Variants in PRDM16 observed in about 807,000 individuals in gnomAD.
The protein encoded by PRDM16 is PR/SET domain 16, also known as histone-lysine N-methyltransferase PRDM16.
PRDM16 carries 23 observed loss-of-function variants against 110.6 expected under a neutral mutation model. The observed-to-expected ratio is 0.21, with a 90% CI of 0.15 to 0.29. PRDM16 has a LOEUF of 0.29. Ranked by LOEUF, PRDM16 falls within the 10% of genes least tolerant of loss-of-function variation. The pLI is 1.00. For missense variants in PRDM16, 1,615 were observed against 1,794.3 expected (o/e 0.90, Z 1.81); for synonymous variants, 799 against 781.8 (o/e 1.02, Z -0.37).
intron 12 of PRDM16, among the ~76,000 whole-genome samples, chr1:3,419,483 C>T (rs538821136): frequency 1.3e-5 from 2 of 152,144 alleles, no homozygotes; most frequent in Admixed American, 6.5e-5. Flanking sequence ...CATGAATCAC[C>T]GGGGTCAGTG....
intron 3 of PRDM16, among the ~76,000 whole-genome samples, chr1:3,330,767 C>T (rs186442657): frequency 1.2e-4 from 18 of 152,306 alleles, no homozygotes; most frequent in African/African-American, 3.6e-4. Context: ...GCCTCCTAAG[C>T]GAGGGCGAGT....
chr1:3,200,250 G>A (rs932046291), intron 2 of PRDM16, among the ~76,000 whole-genome samples: 1 of 152,232 alleles, frequency 6.6e-6, no homozygotes, highest in Non-Finnish European at 1.5e-5. Flanking sequence ...GGCTGCCCTG[G>A]ATGGGGGCTG....
chr1:3,241,727 C>G (rs1405527701), intron 2 of PRDM16, among the ~76,000 whole-genome samples: 2 of 152,218 alleles, frequency 1.3e-5, no homozygotes, highest in Non-Finnish European at 2.9e-5. Context: ...CCATCCCACC[C>G]GGACGCTCGG....
chr1:3,299,210 G>A (rs1363330323), intron 3 of PRDM16, among the ~76,000 whole-genome samples: 1 of 151,454 alleles, frequency 6.6e-6, no homozygotes, highest in African/African-American at 2.4e-5. Context: ...TGGTGGCTCT[G>A]CCCTGGTTGA....
chr1:3,316,928 A>T (rs895611207), intron 3 of PRDM16, among the ~76,000 whole-genome samples: 39 of 152,162 alleles, frequency 2.6e-4, no homozygotes, highest in African/African-American at 9.2e-4. Context: ...AGAAGCATTG[A>T]CAGGAGGTCG....
chr1:3,336,366 G>T (rs1017637213), intron 3 of PRDM16, among the ~76,000 whole-genome samples: 1 of 151,716 alleles, frequency 6.6e-6, no homozygotes, highest in African/African-American at 2.4e-5. Context: ...ATGTGGAGGG[G>T]TGTGTGTGCA....
At chr1:3,234,575 A>G (rs1639497454) in intron 2 of PRDM16, among the ~76,000 whole-genome samples, 2 of 152,032 alleles carry the variant, frequency 1.3e-5, no homozygotes, top group Admixed American at 6.5e-5. Flanking sequence ...CCTAAGCCCC[A>G]TAGTCAGAGA....
intron 3 of PRDM16, among the ~76,000 whole-genome samples, chr1:3,323,664 G>T (rs1358583000): frequency 1.3e-5 from 2 of 152,252 alleles, no homozygotes; most frequent in Admixed American, 1.3e-4. Flanking sequence ...CGACAAAGGC[G>T]AGGGCCGGTG....
Position 3,433,963 on chromosome 1 carries a change from A to G in PRDM16, c.*152A>G. 2 of 769,660 alleles carry G rather than the reference A, an allele frequency of 2.6e-6. No homozygotes were observed. Among genetic ancestry groups the G allele is most frequent in the East Asian group, 5.4e-5 (2 of 36,734 alleles). The allele number at this position is 769,660 out of a possible 1,614,324, so 47.7% of individuals were successfully genotyped here. The stretch of plus-strand genomic sequence containing the variant: ...TGGTTCATTCCGACTTTTCCAATGG[A>G]AACTCAGATCCCAAAAGTCCCTAAA... On this transcript the variant is annotated 3_prime_UTR_variant, in exon 17 of 17. Transcript: ENST00000270722.
At chr1:3,112,891 G>A (rs550435327) in intron 1 of PRDM16, among the ~76,000 whole-genome samples, 273 of 152,370 alleles carry the variant, frequency 1.8e-3, no homozygotes, top group Non-Finnish European at 3.0e-3. Flanking sequence ...ACGGGGTCCC[G>A]GGCCATCCTT....
rs910577551 is a variant in PRDM16, at chr1:3,244,853, C to T, written c.438+716C>T. Among the ~76,000 whole-genome samples the T allele has an allele frequency of 2.6e-5, 4 of 152,200 alleles. No individual in the cohort carries two copies. Among genetic ancestry groups the T allele is most frequent in the African/African-American group, 4.8e-5 (2 of 41,444 alleles). Reference sequence around the variant, plus strand: ...CCTAGAACCTGTTCAGCAGCCAGAACTCCTCTTCGACGGGATATGCATTGC... The same window carrying T: ...CCTAGAACCTGTTCAGCAGCCAGAATTCCTCTTCGACGGGATATGCATTGC... On this transcript the variant is annotated intron_variant, in intron 3 of 16. Coordinates refer to ENST00000270722, the MANE Select transcript of PRDM16 (RefSeq NM_022114.4). The surrounding 1 kb of genome is among the most constrained non-coding windows in gnomAD (Gnocchi z 4.1).
intron 1 of PRDM16, among the ~76,000 whole-genome samples, chr1:3,120,265 C>T (rs561504874): frequency 3.9e-5 from 6 of 152,250 alleles, no homozygotes; most frequent in African/African-American, 1.4e-4. Flanking sequence ...ATCGCGTGTC[C>T]TCCCTGCCCC....
At chr1:3,378,215 C>A (rs564955425) in intron 3 of PRDM16, among the ~76,000 whole-genome samples, 1 of 152,198 alleles carries the variant, frequency 6.6e-6, no homozygotes, top group African/African-American at 2.4e-5. Flanking sequence ...TTTCTTCCAC[C>A]GATCCCTGAT....
In PRDM16 at chr1:3,343,142, G is replaced by C. The variant is rs142656629; in HGVS notation, c.439-42010G>C. ...AATGTGTGAGTGTTCCAGCTGCTCC[G>C]GTCCTCACCGACACTTAGTGTAGTC... On this transcript the variant is annotated intron_variant, in intron 3 of 16. Transcript: ENST00000270722. Among the ~76,000 whole-genome samples, 698 of 150,840 alleles carry C rather than the reference G, an allele frequency of 4.6e-3. 8 individuals are homozygous for C. The highest frequency in any genetic ancestry group is 0.016 in the African/African-American group (639 of 40,944).
rs550500034 is a variant in PRDM16, at chr1:3,397,916, A to G, written c.676+1323A>G. Among the ~76,000 whole-genome samples the G allele has an allele frequency of 1.8e-4, 28 of 152,302 alleles. No individual in the cohort carries two copies. In the East Asian group the frequency reaches 5.2e-3, roughly 28 times the overall value. On this transcript the variant is annotated intron_variant, in intron 5 of 16. Transcript: ENST00000270722. ...AGCTAGCTGGGTCCTTCCTTGGTGC[A>G]GTATCTGTTTATGTCCCTGAGTGTC...
intron 2 of PRDM16, among the ~76,000 whole-genome samples, chr1:3,196,649 A>T (rs545809973): frequency 6.6e-6 from 1 of 152,144 alleles, no homozygotes; most frequent in Non-Finnish European, 1.5e-5. Flanking sequence ...CCCCCACCCA[A>T]TTCCAGGCCA....
chr1:3,384,469 C>T (rs1363346266), intron 3 of PRDM16, among the ~76,000 whole-genome samples: 2 of 152,158 alleles, frequency 1.3e-5, no homozygotes, highest in African/African-American at 4.8e-5. Flanking sequence ...CGGTGGTCCT[C>T]GGAGGAGTGG....
chr1:3,208,806 G>C lies in PRDM16; in HGVS notation c.387+22332G>C, dbSNP rs1638813403. 1 of 152,340 alleles carries C rather than the reference G, an allele frequency of 6.6e-6. No individual in the cohort carries two copies. The highest frequency in any genetic ancestry group is 2.4e-5 in the African/African-American group (1 of 41,476). 9.4% of individuals were successfully genotyped at this position (152,340 alleles called of 1,614,324 possible). On this transcript the variant is annotated intron_variant, in intron 2 of 16. Coordinates refer to ENST00000270722, the MANE Select transcript of PRDM16 (RefSeq NM_022114.4). This position sits in a 1 kb window ranked among gnomAD's most constrained non-coding sequence, Gnocchi z 6.1. ...GGCCACCATCCCCTTTGTGGGGTTTGTCCTTTGGAACCATCTCCACCCCCT... is the reference window on the plus strand; with the variant it reads ...GGCCACCATCCCCTTTGTGGGGTTTCTCCTTTGGAACCATCTCCACCCCCT...
intron 12 of PRDM16, 134 bp downstream of exon 12, chr1:3,418,878 T>C (rs907059535): frequency 1.7e-5 from 12 of 698,224 alleles, no homozygotes; most frequent in Non-Finnish European, 2.8e-5. Context: ...GGCCGGGTGC[T>C]GAATTCTGGT....
Sources: allele counts gnomAD v4.1 joint callset (sites outside exome capture counted in the v4.1 genomes callset), GRCh38; gene constraint gnomAD v4.1.1; non-coding constraint Gnocchi (gnomAD v3.1); transcripts MANE v1.5; gene names NCBI Gene and HGNC (gene_info 2026-07-23, HGNC 2026-07-21).